The following PTAFR variants were observed in gnomAD, a reference collection of about 807,000 sequenced individuals.
PTAFR encodes platelet-activating factor receptor.
PTAFR carries 8 observed loss-of-function variants against 14.7 expected under a neutral mutation model. The observed-to-expected ratio is 0.54, with a 90% CI of 0.32 to 0.98. PTAFR has a LOEUF of 0.98. Ranked by LOEUF, PTAFR falls within the 50% of genes least tolerant of loss-of-function variation. The probability of loss-of-function intolerance (pLI) is 0.04; values close to 1 mark genes in which losing one functional copy is unlikely to be tolerated. For missense variants in PTAFR, 337 were observed against 451.2 expected (o/e 0.75, Z 2.29); for synonymous variants, 156 against 176.5 (o/e 0.88, Z 0.92).
intron 1 of PTAFR, among the ~76,000 whole-genome samples, chr1:28,158,691 C>A (rs1032575917): frequency 1.3e-5 from 2 of 151,868 alleles, no homozygotes; most frequent in Non-Finnish European, 2.9e-5. Flanking sequence ...GAGCCAGACT[C>A]CATCTTAAAA....
chr1:28,187,361 C>T (rs1477563599), intron 1 of PTAFR, among the ~76,000 whole-genome samples: 1 of 151,996 alleles, frequency 6.6e-6, no homozygotes, highest in East Asian at 1.9e-4. Context: ...TATTAGCTAT[C>T]CATTAAGGAA....
intron 1 of PTAFR, among the ~76,000 whole-genome samples, chr1:28,186,138 G>A (rs915358742): frequency 2.6e-5 from 4 of 151,886 alleles, no homozygotes; most frequent in African/African-American, 7.3e-5. Flanking sequence ...CCACATGCTC[G>A]GCTAATTTTT....
chr1:28,187,431 C>G (rs1215453602), intron 1 of PTAFR, among the ~76,000 whole-genome samples: 1 of 152,090 alleles, frequency 6.6e-6, no homozygotes, highest in Non-Finnish European at 1.5e-5. Flanking sequence ...AATGGAATAA[C>G]AACCCACGAA....
chr1:28,181,319 C>T (rs1646561202), upstream of PTAFR, among the ~76,000 whole-genome samples: 1 of 152,118 alleles, frequency 6.6e-6, no homozygotes, highest in African/African-American at 2.4e-5. Context: ...ACAGTCTTGC[C>T]AAGGAAACCG....
At chr1:28,189,662 T>C (rs1303033475) in intron 1 of PTAFR, among the ~76,000 whole-genome samples, 1 of 151,868 alleles carries the variant, frequency 6.6e-6, no homozygotes, top group African/African-American at 2.4e-5. Flanking sequence ...TAAAAAAGCA[T>C]GTTGCAGAGG....
chr1:28,167,702 G>A (rs1646402193), intron 1 of PTAFR, among the ~76,000 whole-genome samples: 1 of 134,242 alleles, frequency 7.4e-6, no homozygotes, highest in Admixed American at 8.5e-5. Flanking sequence ...CTGGAGTGCA[G>A]TGGCACGATC....
chr1:28,180,243 G>C (rs912677526), upstream of PTAFR, among the ~76,000 whole-genome samples: 8 of 152,056 alleles, frequency 5.3e-5, no homozygotes, highest in Non-Finnish European at 8.8e-5. Flanking sequence ...GGATGGACAT[G>C]GTGGCTCACG....
chr1:28,166,988 A>C (rs941800122), intron 1 of PTAFR, among the ~76,000 whole-genome samples: 1 of 152,130 alleles, frequency 6.6e-6, no homozygotes. Flanking sequence ...AAACAACAAA[A>C]AAATTAATTA....
chr1:28,159,079 C>A (rs1309307302), intron 1 of PTAFR, among the ~76,000 whole-genome samples: 1 of 152,000 alleles, frequency 6.6e-6, no homozygotes. Flanking sequence ...GGTGTCTGGG[C>A]CAGATGATTG....
chr1:28,185,883 G>C (rs1572050883), intron 1 of PTAFR, among the ~76,000 whole-genome samples: 1 of 151,840 alleles, frequency 6.6e-6, no homozygotes, highest in African/African-American at 2.4e-5. Flanking sequence ...CTATAAACAA[G>C]CAATTAAATA....
Position 28,150,351 on chromosome 1 carries a change from G to T in PTAFR, c.671C>A (p.Ala224Asp), listed in dbSNP as rs5938. ...CCACAGCGCCCGGCGCTTGACTTCAGCGTTGCGCTGCTGCTGCACCGGCTG... is the reference window on the plus strand; with the variant it reads ...CCACAGCGCCCGGCGCTTGACTTCATCGTTGCGCTGCTGCTGCACCGGCTG... ...LMQPVQQQRN[A>D]EVKRRALWMV... Residue 224 changes from alanine to aspartate, a missense_variant, in exon 2 of 2, where the codon GCT (alanine) becomes GAT (aspartate). Transcript: ENST00000373857. This position sits in a 1 kb window ranked among gnomAD's most constrained non-coding sequence, Gnocchi z 6.3. The T allele has an allele frequency of 3.2e-3, 5,159 of 1,614,090 alleles. 257 individuals carry two copies. In the East Asian group the frequency reaches 0.1, roughly 32 times the overall value.
At chr1:28,157,962 G>T (rs1646284669) in intron 1 of PTAFR, among the ~76,000 whole-genome samples, 1 of 152,024 alleles carries the variant, frequency 6.6e-6, no homozygotes, top group South Asian at 2.1e-4. Context: ...TTCTCACCAT[G>T]TGAACAGAAC....
Position 28,149,812 on chromosome 1 carries a change from G to A in PTAFR, c.*181C>T, listed in dbSNP as rs1443558588. 1.2e-5 allele frequency: 9 copies of A among 755,072 alleles called. No individual in the cohort carries two copies. The highest frequency in any genetic ancestry group is 9.6e-5 in the South Asian group (5 of 52,254). The allele number at this position is 755,072 out of a possible 1,614,324, so 46.8% of individuals were successfully genotyped here. A position where few individuals can be genotyped will look rare whatever the true frequency, so the allele number is the denominator to read the frequency against. ...CAGGCGGATGAAGGGGCTCATTTGA[G>A]TTCTGGATTTTCCAACAGCCTGGCT... On this transcript the variant is annotated 3_prime_UTR_variant, in exon 2 of 2. Coordinates refer to ENST00000373857, the MANE Select transcript of PTAFR (RefSeq NM_000952.5).
chr1:28,180,155 C>G (rs1572047969), upstream of PTAFR, among the ~76,000 whole-genome samples: 1 of 152,046 alleles, frequency 6.6e-6, no homozygotes, highest in South Asian at 2.1e-4. Flanking sequence ...CAAAACAAAA[C>G]AAAAGTTAAA....
chr1:28,168,102 G>A (rs1450659788), intron 1 of PTAFR, among the ~76,000 whole-genome samples: 1 of 150,080 alleles, frequency 6.7e-6, no homozygotes, highest in Non-Finnish European at 1.5e-5. Flanking sequence ...GGGACTACAG[G>A]TGCCCGCCAC....
At chr1:28,162,437 T>A (rs903399668) in intron 1 of PTAFR, among the ~76,000 whole-genome samples, 1 of 152,144 alleles carries the variant, frequency 6.6e-6, no homozygotes, top group Admixed American at 6.6e-5. Context: ...AACTCAGGAC[T>A]CAAACTGTGG....
chr1:28,188,793 T>A lies in PTAFR; in HGVS notation c.-39+4929A>T, dbSNP rs146051278. Among the ~76,000 whole-genome samples, 11 of 151,742 alleles carry A rather than the reference T, an allele frequency of 7.2e-5. No homozygotes were observed. The East Asian group carries it at 2.1e-3, about 29-fold the overall frequency. On this transcript the variant is annotated intron_variant, in intron 1 of 1. Coordinates refer to the PTAFR transcript ENST00000305392. ...AATCAGAAGATATTTGCAACATATATAACAAAGAATTTTCAGGCATTGCAT... is the reference window on the plus strand; with the variant it reads ...AATCAGAAGATATTTGCAACATATAAAACAAAGAATTTTCAGGCATTGCAT...
intron 1 of PTAFR, among the ~76,000 whole-genome samples, chr1:28,165,717 A>G (rs1164351263): frequency 6.6e-6 from 1 of 151,926 alleles, no homozygotes; most frequent in African/African-American, 2.4e-5. Flanking sequence ...CAGGAGGCGG[A>G]GCTTACAGTG....
Position 28,150,287 on chromosome 1 carries a change from G to C in PTAFR, c.735C>G (p.Phe245Leu). 1 of 1,612,060 alleles carries C rather than the reference G, an allele frequency of 6.2e-7. No homozygotes were observed. Among genetic ancestry groups the C allele is most frequent in the Non-Finnish European group, 8.5e-7 (1 of 1,178,414 alleles). Residue 245 changes from phenylalanine (F) to leucine (L), a missense_variant, in exon 2 of 2, where the codon TTC (phenylalanine) becomes TTG (leucine). Coordinates refer to ENST00000373857, the MANE Select transcript of PTAFR (RefSeq NM_000952.5). This position sits in a 1 kb window ranked among gnomAD's most constrained non-coding sequence, Gnocchi z 6.3. ...CTVLAVFIIC[F>L]VPHHVVQLPW... is the part of the protein sequence containing the mutation. ...GCAGCTGCACCACGTGGTGGGGCAC[G>C]AAGCAGATGATGAACACCGCCAAGA...
Sources: gnomAD v4.1 joint callset for allele counts (sites outside exome capture counted in the v4.1 genomes callset) on GRCh38, gnomAD v4.1.1 for gene constraint, Gnocchi (gnomAD v3.1) non-coding constraint, MANE v1.5 for transcripts, NCBI Gene and HGNC (gene_info 2026-07-23, HGNC 2026-07-21) for gene names.